SLC8A2: variants seen among roughly 807,000 people sequenced by gnomAD.
SLC8A2 encodes the protein sodium/calcium exchanger 2.
A neutral mutation model predicts 70.2 loss-of-function variants in SLC8A2; 14 were observed. That is an observed-to-expected ratio of 0.20 (90% CI 0.13 to 0.31). SLC8A2 has a LOEUF of 0.31. Among genes scored for constraint, SLC8A2 ranks in the 10% least tolerant of loss-of-function variants. The pLI, the probability that SLC8A2 is intolerant of heterozygous loss-of-function variation, is 1.00. For missense variants in SLC8A2, 779 were observed against 1,320.1 expected (o/e 0.59, Z 6.35); for synonymous variants, 575 against 594.3 (o/e 0.97, Z 0.47).
At chr19:47,435,858 G>C (rs776884345) in intron 8 of SLC8A2, among the ~76,000 whole-genome samples, 3 of 152,046 alleles carry the variant, frequency 2.0e-5, no homozygotes, top group Non-Finnish European at 4.4e-5. Context: ...TCTACTGCTA[G>C]TTTCTACAGC....
chr19:47,471,593 G>A (rs1270960063), intron 1 of SLC8A2, among the ~76,000 whole-genome samples, 196 bp downstream of exon 1: 2 of 152,000 alleles, frequency 1.3e-5, no homozygotes, highest in African/African-American at 4.8e-5. Flanking sequence ...AGAACCAGGA[G>A]GGACTGAAGG....
rs748426497 is a variant in SLC8A2 at position 47,430,472 on chromosome 19, G to A, written c.2390-7C>T. The stretch of plus-strand genomic sequence containing the variant: ...ACCTTGCTGGCGAACGTGTCTGCGA[G>A]GCAGAGACATACAGGTCGGAGGGGC... On this transcript the variant is annotated splice_region_variant and splice_polypyrimidine_tract_variant and intron_variant, in intron 9 of 9. Coordinates refer to ENST00000236877, the MANE Select transcript of SLC8A2 (RefSeq NM_015063.3). The surrounding 1 kb of genome is among the most constrained non-coding windows in gnomAD (Gnocchi z 5.9). The A allele has an allele frequency of 1.9e-6, 3 of 1,592,104 alleles. No homozygotes were observed. Among genetic ancestry groups the A allele is most frequent in the Non-Finnish European group, 2.6e-6 (3 of 1,172,278 alleles).
At chr19:47,444,225 G>A (rs1342164119) in intron 4 of SLC8A2, among the ~76,000 whole-genome samples, 1 of 151,952 alleles carries the variant, frequency 6.6e-6, no homozygotes, top group Non-Finnish European at 1.5e-5. Context: ...TTCTCTCCCT[G>A]TCTCTGTCTT....
Position 47,457,641 on chromosome 19 carries a change from C to G in SLC8A2, c.676-47G>C, listed in dbSNP as rs1967324463. On this transcript the variant is annotated intron_variant, in intron 2 of 9. Coordinates refer to ENST00000236877, the MANE Select transcript of SLC8A2 (RefSeq NM_015063.3). ...GCGAGGCCGGGCGGGCCGCCTTCTCCCTCCCCGCCTCTCTGTCTCAGTCTC... is the reference window on the plus strand; with the variant it reads ...GCGAGGCCGGGCGGGCCGCCTTCTCGCTCCCCGCCTCTCTGTCTCAGTCTC... The G allele has an allele frequency of 4.0e-6, 5 of 1,258,826 alleles. No individual in the cohort carries two copies. In the East Asian group the frequency reaches 1.4e-4, roughly 35 times the overall value. 78.0% of individuals were successfully genotyped at this position (1,258,826 alleles called of 1,614,324 possible). A position where few individuals can be genotyped will look rare whatever the true frequency, so the allele number is the denominator to read the frequency against.
Position 47,430,146 on chromosome 19 carries a change from C to A in SLC8A2, c.2709G>T (p.Trp903Cys). 6.3e-7 allele frequency: 1 copy of A among 1,594,692 alleles called. No individual in the cohort carries two copies. The highest frequency in any genetic ancestry group is 8.5e-7 in the Non-Finnish European group (1 of 1,170,610). ...LATTALFLGL[W>C]LLYILFASLE... ...GGCTGGCGAAGAGGATGTACAGGAG[C>A]CAGAGGCCCAGGAAGAGCGCGGTGG... The change falls in exon 10 of 10, where the codon TGG becomes TGT. Residue 903 changes from tryptophan to cysteine, a missense_variant. Trp to Cys is a radical substitution (Grantham distance 215). Transcript: ENST00000236877. This position sits in a 1 kb window ranked among gnomAD's most constrained non-coding sequence, Gnocchi z 5.9.
At chr19:47,462,993 T>C (rs1195762569) in intron 2 of SLC8A2, among the ~76,000 whole-genome samples, 1 of 152,212 alleles carries the variant, frequency 6.6e-6, no homozygotes, top group Non-Finnish European at 1.5e-5. Context: ...ACTTCTTGCA[T>C]GCAATGGTTT....
chr19:47,468,584 C>T lies in SLC8A2; in HGVS notation c.-16-2165G>A, dbSNP rs1179631359. Among the ~76,000 whole-genome samples, 1 of 152,112 alleles carries T rather than the reference C, an allele frequency of 6.6e-6. No homozygotes were observed. Among genetic ancestry groups the T allele is most frequent in the South Asian group, 2.1e-4 (1 of 4,824 alleles). Reference sequence around the variant, plus strand: ...ATCACAGGTGCGTGCCACCGTGCCCCGCCCACTCTTCCCCTCATATCCGCT... The same window carrying T: ...ATCACAGGTGCGTGCCACCGTGCCCTGCCCACTCTTCCCCTCATATCCGCT... On this transcript the variant is annotated intron_variant, in intron 1 of 9. Transcript: ENST00000236877. The surrounding 1 kb of genome is among the most constrained non-coding windows in gnomAD (Gnocchi z 5.1).
intron 4 of SLC8A2, among the ~76,000 whole-genome samples, chr19:47,443,148 C>T (rs1429589206): frequency 1.3e-5 from 2 of 152,204 alleles, no homozygotes; most frequent in African/African-American, 4.8e-5. Flanking sequence ...GCATAGAGCA[C>T]ACCCTCCATG....
In SLC8A2 at chr19:47,441,073, C is replaced by T; in HGVS notation, c.1885+96G>A. 1.6e-5 allele frequency: 20 copies of T among 1,254,678 alleles called. No homozygotes were observed. The South Asian group carries it at 2.3e-4, about 15-fold the overall frequency. 77.7% of individuals were successfully genotyped at this position (1,254,678 alleles called of 1,614,324 possible). A position where few individuals can be genotyped will look rare whatever the true frequency, so the allele number is the denominator to read the frequency against. ...TATCTCACCTCCAATCTGCCTCAAA[C>T]CCAACCTGGAAGAGTAGCTTTGGGG... On this transcript the variant is annotated intron_variant, in intron 6 of 9. Transcript: ENST00000236877.
At chr19:47,446,602 C>A (rs2122629013) in intron 4 of SLC8A2, among the ~76,000 whole-genome samples, 1 of 152,246 alleles carries the variant, frequency 6.6e-6, no homozygotes, top group Middle Eastern at 3.4e-3. Context: ...TAATTTTAAA[C>A]AATTTTTAGC....
At chr19:47,459,623 A>G (rs1967365798) in intron 2 of SLC8A2, among the ~76,000 whole-genome samples, 1 of 146,950 alleles carries the variant, frequency 6.8e-6, no homozygotes, top group African/African-American at 2.5e-5. Context: ...GCATGTGTGT[A>G]TGTGTATGTG....
intron 7 of SLC8A2, 72 bp from the exon 8 acceptor site, chr19:47,437,633 G>T: frequency 7.6e-7 from 1 of 1,318,742 alleles, no homozygotes; most frequent in Non-Finnish European, 1.1e-6. Context: ...TGGGTCCTGG[G>T]TCGGGGGCTC....
Position 47,430,578 on chromosome 19 carries a change from T to C in SLC8A2, c.2390-113A>G, listed in dbSNP as rs941180166. ...GGTCGCCTGCTTTCTGCGGGCAGTG[T>C]GGGCTCAAGACCCCTGACCCCCACC... On this transcript the variant is annotated intron_variant, in intron 9 of 9. Coordinates refer to ENST00000236877, the MANE Select transcript of SLC8A2 (RefSeq NM_015063.3). This position sits in a 1 kb window ranked among gnomAD's most constrained non-coding sequence, Gnocchi z 5.9. 103 of 1,200,886 alleles carry C rather than the reference T, an allele frequency of 8.6e-5. No homozygotes were observed. The highest frequency in any genetic ancestry group is 1.1e-4 in the Non-Finnish European group (98 of 882,340). 74.4% of individuals were successfully genotyped at this position (1,200,886 alleles called of 1,614,324 possible).
intron 2 of SLC8A2, among the ~76,000 whole-genome samples, chr19:47,464,030 G>A (rs766521263): frequency 2.6e-5 from 4 of 152,202 alleles, no homozygotes; most frequent in East Asian, 1.9e-4. Context: ...GAGGCCACAA[G>A]ATCTCTCTTT....
rs1055229417 is a variant in SLC8A2 at position 47,447,325 on chromosome 19, C to G, written c.1763+484G>C. On this transcript the variant is annotated intron_variant, in intron 4 of 9. Coordinates refer to ENST00000236877, the MANE Select transcript of SLC8A2 (RefSeq NM_015063.3). This position sits in a 1 kb window ranked among gnomAD's most constrained non-coding sequence, Gnocchi z 5.1. ...TCCCCACATCTCCCTGGGTACTCTT[C>G]AGCACACACTCCACGAGCTACCAAT... is the stretch of plus-strand genomic sequence containing the variant. 2.2e-5 allele frequency: 4 copies of G among 180,746 alleles called. No individual in the cohort carries two copies. Among genetic ancestry groups the G allele is most frequent in the African/African-American group, 9.7e-5 (4 of 41,404 alleles). The allele number at this position is 180,746 out of a possible 1,614,324, so 11.2% of individuals were successfully genotyped here. A position where few individuals can be genotyped will look rare whatever the true frequency, so the allele number is the denominator to read the frequency against.
rs1325350899 is a variant in SLC8A2, at chr19:47,466,691, A to G, written c.-16-272T>C. 6.6e-6 allele frequency among the ~76,000 whole-genome samples: 1 copy of G among 152,156 alleles called. No individual in the cohort carries two copies. Among genetic ancestry groups the G allele is most frequent in the Admixed American group, 6.5e-5 (1 of 15,278 alleles). On this transcript the variant is annotated intron_variant, in intron 1 of 9. Transcript: ENST00000236877. This position sits in a 1 kb window ranked among gnomAD's most constrained non-coding sequence, Gnocchi z 6.9. ...CTTTGGGCAACTACAGCCGAACACC[A>G]CGTATCATGCAATTCAGCAGTTTTG...
At chr19:47,460,705 A>G (rs981390507) in intron 2 of SLC8A2, among the ~76,000 whole-genome samples, 8 of 151,508 alleles carry the variant, frequency 5.3e-5, no homozygotes, top group East Asian at 1.9e-4. Context: ...TTAAAAAAAA[A>G]AAAGAAAGAA....
intron 6 of SLC8A2, among the ~76,000 whole-genome samples, chr19:47,440,127 G>T (rs1461719464): frequency 6.6e-6 from 1 of 152,100 alleles, no homozygotes; most frequent in East Asian, 1.9e-4. Flanking sequence ...CCATCTCCAA[G>T]CCACTGACCT....
At chr19:47,439,572 A>G (rs1176563891) in intron 6 of SLC8A2, among the ~76,000 whole-genome samples, 1 of 147,006 alleles carries the variant, frequency 6.8e-6, no homozygotes, top group Non-Finnish European at 1.5e-5. Flanking sequence ...ACTTTGCCTG[A>G]GCAAGAAATA....
Sources: gnomAD v4.1 joint callset for allele counts (sites outside exome capture counted in the v4.1 genomes callset) on GRCh38, gnomAD v4.1.1 for gene constraint, Gnocchi (gnomAD v3.1) non-coding constraint, MANE v1.5 for transcripts, NCBI Gene and HGNC (gene_info 2026-07-23, HGNC 2026-07-21) for gene names.